The following PTPN12 variants were observed in gnomAD, a reference collection of about 807,000 sequenced individuals.
PTPN12 encodes the protein tyrosine-protein phosphatase non-receptor type 12.
PTPN12 carries 29 observed loss-of-function variants against 97.6 expected under a neutral mutation model. That is an observed-to-expected ratio of 0.30 (90% CI 0.22 to 0.41). The LOEUF is 0.41. Among genes scored for constraint, PTPN12 ranks in the 10% least tolerant of loss-of-function variants. The probability of loss-of-function intolerance (pLI) is 1.00; values close to 1 mark genes in which losing one functional copy is unlikely to be tolerated. For synonymous variants in PTPN12, 327 were observed against 300.4 expected, an observed-to-expected ratio of 1.09 and a Z score of -0.91; for missense variants, 819 against 926.0, an observed-to-expected ratio of 0.88 and a Z score of 1.50.
At chr7:77,588,480 T>C (rs530493857) in intron 5 of PTPN12, among the ~76,000 whole-genome samples, 1 of 152,316 alleles carries the variant, frequency 6.6e-6, no homozygotes, top group South Asian at 2.1e-4. Context: ...ACTTCAAACA[T>C]CACTGATCAG....
chr7:77,574,695 C>T (rs984269172), intron 2 of PTPN12, among the ~76,000 whole-genome samples: 12 of 152,152 alleles, frequency 7.9e-5, no homozygotes, highest in African/African-American at 2.9e-4. Flanking sequence ...TGAGTGTCAG[C>T]GTTGAGAGAC....
intron 5 of PTPN12, among the ~76,000 whole-genome samples, chr7:77,590,587 G>A (rs1328321510): frequency 6.7e-6 from 1 of 149,264 alleles, no homozygotes; most frequent in Admixed American, 6.7e-5. Context: ...GGGAGAGACA[G>A]TCTCGCTCTG....
intron 13 of PTPN12, 65 bp downstream of exon 13, chr7:77,627,740 T>G: frequency 3.6e-6 from 5 of 1,404,722 alleles, no homozygotes; most frequent in Non-Finnish European, 3.8e-6. Flanking sequence ...TTAAGCACTT[T>G]AGCTGTATTG....
chr7:77,579,698 C>A (rs2151328767), intron 2 of PTPN12, among the ~76,000 whole-genome samples: 1 of 152,240 alleles, frequency 6.6e-6, no homozygotes, highest in East Asian at 1.9e-4. Flanking sequence ...AAACTATTTG[C>A]ACTTCCTGTG....
At chr7:77,604,414 C>A (rs1788292939) in intron 8 of PTPN12, among the ~76,000 whole-genome samples, 2 of 151,544 alleles carry the variant, frequency 1.3e-5, no homozygotes, top group South Asian at 4.2e-4. Context: ...GGGGATTCTC[C>A]ATGTTTGTCA....
chr7:77,570,927 T>G (rs1787104783), intron 1 of PTPN12, 151 bp from the exon 2 acceptor site: 1 of 510,014 alleles, frequency 2.0e-6, no homozygotes, highest in Non-Finnish European at 3.5e-6. Context: ...TAAAAGAAAT[T>G]ATCCTTGGGG....
At chr7:77,564,598 A>G (rs1334771157) in intron 1 of PTPN12, among the ~76,000 whole-genome samples, 1 of 152,094 alleles carries the variant, frequency 6.6e-6, no homozygotes, top group African/African-American at 2.4e-5. Flanking sequence ...ATTTTGCCAC[A>G]GTATAACTCT....
At chr7:77,592,334 T>C (rs1787895537) in intron 6 of PTPN12, 78 bp downstream of exon 6, 2 of 1,250,180 alleles carry the variant, frequency 1.6e-6, no homozygotes. Context: ...TATAATGTGG[T>C]ATGAACCCAG....
intron 6 of PTPN12, among the ~76,000 whole-genome samples, chr7:77,596,604 G>T (rs1004886240): frequency 3.0e-4 from 46 of 152,140 alleles, no homozygotes; most frequent in African/African-American, 1.1e-3. Context: ...TAGAGACAGG[G>T]TTCTGCTATA....
chr7:77,625,425 T>G, intron 12 of PTPN12, among the ~76,000 whole-genome samples: 1 of 139,592 alleles, frequency 7.2e-6, no homozygotes, highest in Non-Finnish European at 1.5e-5. Flanking sequence ...TTAATTTTTT[T>G]GTATTTGTTA....
At chr7:77,544,653 T>G (rs1451085158) in intron 1 of PTPN12, among the ~76,000 whole-genome samples, 2 of 152,248 alleles carry the variant, frequency 1.3e-5, no homozygotes, top group Non-Finnish European at 2.9e-5. Flanking sequence ...TAAATACTTC[T>G]GTGTTTCTGT....
chr7:77,623,090 T>TA (rs1789004253), intron 12 of PTPN12, among the ~76,000 whole-genome samples: 1 of 151,768 alleles, frequency 6.6e-6, no homozygotes, highest in Admixed American at 6.6e-5. Context: ...CCAAGCTTGA[T>TA]ATACACCACC....
At chr7:77,541,472 A>T (rs955745267) in intron 1 of PTPN12, among the ~76,000 whole-genome samples, 1 of 152,168 alleles carries the variant, frequency 6.6e-6, no homozygotes, top group Admixed American at 6.5e-5. Context: ...GCTGTTACAT[A>T]TAGTAATTCT....
intron 12 of PTPN12, among the ~76,000 whole-genome samples, chr7:77,625,484 T>TCC (rs1789120139): frequency 1.1e-5 from 1 of 89,138 alleles, no homozygotes; most frequent in African/African-American, 4.8e-5. Context: ...TCTCTCTCTC[T>TCC]CTCTCTCTCT....
chr7:77,578,416 A>G (rs771785924), intron 2 of PTPN12, among the ~76,000 whole-genome samples: 1 of 152,234 alleles, frequency 6.6e-6, no homozygotes, highest in Non-Finnish European at 1.5e-5. Flanking sequence ...ATGACAGAGC[A>G]TTGACAAACA....
At chr7:77,637,085 G>T (rs1411578773) in intron 16 of PTPN12, 37 bp downstream of exon 16, 5 of 1,460,442 alleles carry the variant, frequency 3.4e-6, no homozygotes, top group Non-Finnish European at 4.8e-6. Context: ...TTTTACTGTA[G>T]ATTTTATTGA....
chr7:77,625,288 T>G (rs1403902805), intron 12 of PTPN12, among the ~76,000 whole-genome samples: 2 of 150,774 alleles, frequency 1.3e-5, no homozygotes, highest in Non-Finnish European at 3.0e-5. Context: ...TCTCATTCTT[T>G]CACCCAGGCT....
intron 9 of PTPN12, among the ~76,000 whole-genome samples, chr7:77,609,682 C>A (rs1260428814): frequency 6.6e-6 from 1 of 151,908 alleles, no homozygotes; most frequent in Non-Finnish European, 1.5e-5. Context: ...AGATTGAGAC[C>A]ACCCTGGCTA....
At position 77,607,316 on chromosome 7, in the gene PTPN12, T is replaced by C. The variant is rs749159616; in HGVS notation, c.762+15T>C. On this transcript the variant is annotated intron_variant, in intron 9 of 17. Transcript: ENST00000248594. The stretch of plus-strand genomic sequence containing the variant: ...TAAAAGCTGGGGTAAGAATAATTTT[T>C]TGTAGCATTATGTTCAATTGATCTA... 1.9e-6 allele frequency: 3 copies of C among 1,565,126 alleles called. No individual in the cohort carries two copies. The highest frequency in any genetic ancestry group is 2.6e-6 in the Non-Finnish European group (3 of 1,136,588).
Sources: allele counts gnomAD v4.1 joint callset (sites outside exome capture counted in the v4.1 genomes callset), GRCh38; gene constraint gnomAD v4.1.1; transcripts MANE v1.5; gene names NCBI Gene and HGNC (gene_info 2026-07-23, HGNC 2026-07-21).